Variants in RAB3IP observed in about 807,000 individuals in gnomAD.
The protein encoded by RAB3IP is rab-3A-interacting protein.
A neutral mutation model predicts 59.1 loss-of-function variants in RAB3IP; 36 were observed. The ratio of observed to expected loss-of-function variants is 0.61; its 90% CI spans 0.47 to 0.80. The LOEUF is 0.80. Among genes scored for constraint, RAB3IP ranks in the 30% least tolerant of loss-of-function variants. The pLI is 0.00. For missense variants in RAB3IP, 511 were observed against 536.0 expected (o/e 0.95, Z 0.46); for synonymous variants, 207 against 191.2 (o/e 1.08, Z -0.68).
At chr12:69,750,612 A>G (rs1463530915) in intron 1 of RAB3IP, among the ~76,000 whole-genome samples, 1 of 149,452 alleles carries the variant, frequency 6.7e-6, no homozygotes, top group Non-Finnish European at 1.5e-5. Context: ...AGAGTTTCCC[A>G]AAGTCTAGAT....
chr12:69,750,543 G>GTTT (rs11304094), intron 1 of RAB3IP, among the ~76,000 whole-genome samples: 2 of 116,330 alleles, frequency 1.7e-5, no homozygotes, highest in African/African-American at 3.2e-5. Flanking sequence ...CCTCTACCTC[G>GTTT]TTTTTTTTTT....
intron 3 of RAB3IP, among the ~76,000 whole-genome samples, chr12:69,759,782 C>T (rs1260240934): frequency 1.5e-4 from 23 of 149,194 alleles, no homozygotes; most frequent in South Asian, 1.3e-3. Context: ...GGCGGCTGGC[C>T]GGGCGGGGGC....
rs779865459 is a variant in RAB3IP, at chr12:69,801,729, T to C, written c.1130+8T>C. The C allele has an allele frequency of 1.3e-6, 2 of 1,530,822 alleles. No individual in the cohort carries two copies. The highest frequency in any genetic ancestry group is 4.5e-5 in the East Asian group (2 of 44,392). The allele number at this position is 1,530,822 out of a possible 1,614,324, so 94.8% of individuals were successfully genotyped here. ...TGAATGCGGAGGACCAAAGTAGGTTTTTACGTGCATGAACTGTGAAAGTGA... is the reference window on the plus strand; with the variant it reads ...TGAATGCGGAGGACCAAAGTAGGTTCTTACGTGCATGAACTGTGAAAGTGA... On this transcript the variant is annotated splice_region_variant and intron_variant, in intron 8 of 10. Coordinates refer to ENST00000247833, the MANE Select transcript of RAB3IP (RefSeq NM_022456.5).
At chr12:69,764,502 T>C (rs941039527) in intron 3 of RAB3IP, among the ~76,000 whole-genome samples, 1 of 152,220 alleles carries the variant, frequency 6.6e-6, no homozygotes, top group Non-Finnish European at 1.5e-5. Context: ...CATTAGTCTA[T>C]GTGTCTGTTT....
intron 3 of RAB3IP, among the ~76,000 whole-genome samples, chr12:69,779,684 ATTTTT>A (rs34446445): frequency 1.4e-5 from 2 of 143,756 alleles, no homozygotes; most frequent in African/African-American, 2.5e-5. Flanking sequence ...TAGCTAGGGA[ATTTTT>A]TTTTTTTTTT....
rs147147227 is a variant in RAB3IP, at chr12:69,767,607, C to T, written c.510+10944C>T. Among the ~76,000 whole-genome samples, 88 of 152,326 alleles carry T rather than the reference C, an allele frequency of 5.8e-4. 2 individuals carry two copies. The East Asian group carries it at 0.015, about 26-fold the overall frequency. On this transcript the variant is annotated intron_variant, in intron 3 of 10. Coordinates refer to ENST00000247833, the MANE Select transcript of RAB3IP (RefSeq NM_022456.5). ...GTTCTCTGCATGGGAGTCGGAGTAG[C>T]CTAAATTCTTGATCTAAGAGAGTTG...
At chr12:69,795,592 A>C (rs1877316337) in intron 6 of RAB3IP, 2 of 581,112 alleles carry the variant, frequency 3.4e-6, no homozygotes, top group Admixed American at 6.2e-5. Flanking sequence ...TTAAGGGAGG[A>C]AACTGTCATG....
intron 3 of RAB3IP, among the ~76,000 whole-genome samples, chr12:69,781,068 G>A (rs553617361): frequency 1.3e-5 from 2 of 152,238 alleles, no homozygotes; most frequent in South Asian, 4.1e-4. Flanking sequence ...CTTTTTCCAA[G>A]TAATACTTAA....
intron 3 of RAB3IP, among the ~76,000 whole-genome samples, chr12:69,757,289 T>C (rs1296825814): frequency 2.0e-5 from 3 of 151,958 alleles, no homozygotes; most frequent in Admixed American, 2.0e-4. Flanking sequence ...TTTAAGAATC[T>C]GTAAAAAGAA....
At chr12:69,812,061 A>G (rs778445947) in intron 8 of RAB3IP, 2 of 152,188 alleles carry the variant, frequency 1.3e-5, no homozygotes, top group Non-Finnish European at 2.9e-5. Context: ...AGGGTAACAG[A>G]TGGCTCATTA....
At chr12:69,738,744 G>GC (rs199905064), upstream of RAB3IP, 6,051 of 151,918 alleles carry the variant, frequency 0.04, 179 homozygotes, top group South Asian at 0.061. Context: ...AAGCGCGTCC[G>GC]CCCCCAGGCC....
chr12:69,805,373 T>C (rs567782108), intron 8 of RAB3IP, among the ~76,000 whole-genome samples: 9 of 152,306 alleles, frequency 5.9e-5, no homozygotes, highest in African/African-American at 2.2e-4. Flanking sequence ...CTGAAGTTGC[T>C]TATCAGCTTA....
At chr12:69,751,320 G>T (rs61152916) in intron 1 of RAB3IP, among the ~76,000 whole-genome samples, 4,872 of 152,218 alleles carry the variant, frequency 0.032, 258 homozygotes, top group African/African-American at 0.11. Flanking sequence ...ATAACAAGAT[G>T]TTCCAGGGTC....
intron 3 of RAB3IP, among the ~76,000 whole-genome samples, chr12:69,764,781 G>C (rs1871929476): frequency 1.3e-5 from 2 of 152,064 alleles, no homozygotes; most frequent in African/African-American, 4.8e-5. Context: ...CCATGAGCAT[G>C]AAATATTTTT....
chr12:69,781,740 G>T (rs1411404439), intron 3 of RAB3IP, among the ~76,000 whole-genome samples: 1 of 152,158 alleles, frequency 6.6e-6, no homozygotes, highest in Non-Finnish European at 1.5e-5. Context: ...ATATTTCACT[G>T]TCTGGATGTA....
intron 3 of RAB3IP, among the ~76,000 whole-genome samples, chr12:69,775,342 A>G (rs982636662): frequency 2.8e-5 from 4 of 141,774 alleles, no homozygotes; most frequent in Admixed American, 2.2e-4. Flanking sequence ...TAGATAAACA[A>G]TCATGTCATC....
At chr12:69,805,605 T>C (rs7971385) in intron 8 of RAB3IP, among the ~76,000 whole-genome samples, 48,543 of 148,910 alleles carry the variant, frequency 0.33, 8,077 homozygotes, top group Non-Finnish European at 0.37. Context: ...CCAGTTTTTG[T>C]CCATTCAGTA....
At chr12:69,793,297 C>T (rs1351267347) in intron 4 of RAB3IP, among the ~76,000 whole-genome samples, 1 of 152,146 alleles carries the variant, frequency 6.6e-6, no homozygotes, top group Non-Finnish European at 1.5e-5. Flanking sequence ...CATGGGCACA[C>T]ACAAACTGCA....
Position 69,755,695 on chromosome 12 carries a change from T to A in RAB3IP, c.251+36T>A, listed in dbSNP as rs185182890. The A allele has an allele frequency of 2.5e-3, 3,851 of 1,537,752 alleles. 8 individuals are homozygous for A. Among genetic ancestry groups the A allele is most frequent in the Non-Finnish European group, 2.9e-3 (3,241 of 1,122,930 alleles). On this transcript the variant is annotated intron_variant, in intron 2 of 10. Transcript: ENST00000247833. Reference sequence around the variant, plus strand: ...AGTAAATCACTTATTTGATTTTTTTTAAAATGGACAGTTTGCTTAGTTACT... The same window carrying A: ...AGTAAATCACTTATTTGATTTTTTTAAAAATGGACAGTTTGCTTAGTTACT...
Sources: allele counts gnomAD v4.1 joint callset (sites outside exome capture counted in the v4.1 genomes callset), GRCh38; gene constraint gnomAD v4.1.1; transcripts MANE v1.5; gene names NCBI Gene and HGNC (gene_info 2026-07-23, HGNC 2026-07-21).